The following TTL variants were observed in gnomAD, a reference collection of about 807,000 sequenced individuals.
TTL encodes the protein tubulin--tyrosine ligase.
TTL carries 10 observed loss-of-function variants against 41.1 expected under a neutral mutation model. The ratio of observed to expected loss-of-function variants is 0.24; its 90% CI spans 0.15 to 0.41. The LOEUF is 0.41. Ranked by LOEUF, TTL falls within the 10% of genes least tolerant of loss-of-function variation. The probability of loss-of-function intolerance (pLI) is 1.00; values close to 1 mark genes in which losing one functional copy is unlikely to be tolerated. For synonymous variants in TTL, 175 were observed against 175.5 expected, an observed-to-expected ratio of 1.00 and a Z score of 0.02; for missense variants, 367 against 460.4, an observed-to-expected ratio of 0.80 and a Z score of 1.86.
Position 112,501,279 on chromosome 2 carries a change from G to T in TTL, c.543G>T (p.Val181=), listed in dbSNP as rs763800735. 6.2e-7 allele frequency: 1 copy of T among 1,613,602 alleles called. No individual in the cohort carries two copies. Among genetic ancestry groups the T allele is most frequent in the African/African-American group, 1.3e-5 (1 of 74,856 alleles). Residue 181 remains valine, a synonymous_variant, in exon 4 of 7, where the codon GTG becomes GTT. Transcript: ENST00000233336. ...DFIDNQGQVH[V]IQKYLEHPLL... ...TAGACAACCAGGGCCAAGTGCACGT[G>T]ATCCAGAAATATCTTGAGCACCCTC...
At chr2:112,502,855 A>T (rs1337524117) in intron 4 of TTL, 57 bp from the exon 5 acceptor site, 1 of 1,557,418 alleles carries the variant, frequency 6.4e-7, no homozygotes, top group East Asian at 2.3e-5. Flanking sequence ...ATTGATGTAT[A>T]TAATATGCAG....
At chr2:112,514,732 A>G (rs1252794356) in intron 5 of TTL, among the ~76,000 whole-genome samples, 1 of 152,204 alleles carries the variant, frequency 6.6e-6, no homozygotes, top group Non-Finnish European at 1.5e-5. Flanking sequence ...TGCTTCTTGC[A>G]CCGTGGCTTG....
intron 2 of TTL, among the ~76,000 whole-genome samples, chr2:112,493,839 A>C (rs1053917562): frequency 1.3e-5 from 2 of 152,174 alleles, no homozygotes; most frequent in African/African-American, 2.4e-5. Context: ...TGTTGAAAAG[A>C]TATCGGCTCA....
chr2:112,526,882 G>C (rs1287719380), intron 6 of TTL, among the ~76,000 whole-genome samples: 3 of 151,956 alleles, frequency 2.0e-5, no homozygotes, highest in African/African-American at 7.3e-5. Context: ...GTGAAGTTAG[G>C]GTATCAATTT....
chr2:112,496,142 T>G (rs1374955655), intron 3 of TTL, among the ~76,000 whole-genome samples: 10 of 152,148 alleles, frequency 6.6e-5, no homozygotes, highest in Admixed American at 3.3e-4. Context: ...TCCCTTCTCC[T>G]GTGGGTTTGG....
At chr2:112,513,347 A>T (rs1429405161) in intron 5 of TTL, among the ~76,000 whole-genome samples, 2 of 152,006 alleles carry the variant, frequency 1.3e-5, no homozygotes, top group Non-Finnish European at 2.9e-5. Flanking sequence ...CGAAGTTCTG[A>T]GATTCTCTCT....
chr2:112,492,518 C>G (rs1681416239), intron 2 of TTL, among the ~76,000 whole-genome samples: 1 of 152,090 alleles, frequency 6.6e-6, no homozygotes, highest in African/African-American at 2.4e-5. Context: ...ATCACGAGGT[C>G]AGGAGATCGA....
At chr2:112,491,271 G>A (rs987804225) in intron 2 of TTL, among the ~76,000 whole-genome samples, 2 of 152,136 alleles carry the variant, frequency 1.3e-5, no homozygotes, top group African/African-American at 2.4e-5. Flanking sequence ...GATTATAGGC[G>A]TGAGCCACCA....
intron 4 of TTL, among the ~76,000 whole-genome samples, chr2:112,502,620 AAAGC>A (rs1408345631): frequency 6.6e-6 from 1 of 150,972 alleles, no homozygotes; most frequent in Non-Finnish European, 1.5e-5. Context: ...CTGGGCAACA[AAAGC>A]AAAACTCCAT....
rs1172703340 is a variant in TTL at position 112,493,375 on chromosome 2, G to A, written c.237-768G>A. On this transcript the variant is annotated intron_variant, in intron 2 of 6. Coordinates refer to ENST00000233336, the MANE Select transcript of TTL (RefSeq NM_153712.5). The stretch of plus-strand genomic sequence containing the variant: ...GCTGTTAAAAAAAAAAAAAAGACTT[G>A]GGAGTTCGGGCCTGCATGTTGGCTG... Among the ~76,000 whole-genome samples, 4 of 151,556 alleles carry A rather than the reference G, an allele frequency of 2.6e-5. 1 individual carries two copies. The highest frequency in any genetic ancestry group is 9.7e-5 in the African/African-American group (4 of 41,248).
At position 112,509,560 on chromosome 2, in the gene TTL, T is replaced by C. The variant is rs564001541; in HGVS notation, c.875+6379T>C. ...CGGTCTGAAAAGCGCAATATTCGGG[T>C]GGGAGTGACCCGATTTTCCAGGTGC... is the stretch of plus-strand genomic sequence containing the variant. On this transcript the variant is annotated intron_variant, in intron 5 of 6. Coordinates refer to ENST00000233336, the MANE Select transcript of TTL (RefSeq NM_153712.5). Among the ~76,000 whole-genome samples the C allele has an allele frequency of 9.2e-5, 14 of 152,230 alleles. No homozygotes were observed. In the South Asian group the frequency reaches 2.9e-3, roughly 32 times the overall value.
chr2:112,525,355 G>C (rs1350631672), intron 6 of TTL, among the ~76,000 whole-genome samples: 1 of 152,094 alleles, frequency 6.6e-6, no homozygotes, highest in Middle Eastern at 3.2e-3. Context: ...GATGGGGATG[G>C]CATTGAATCT....
rs949910346 is a variant in TTL, at chr2:112,529,702, C to G, written c.*907C>G. 1 of 222,038 alleles carries G rather than the reference C, an allele frequency of 4.5e-6. No homozygotes were observed. Among genetic ancestry groups the G allele is most frequent in the Non-Finnish European group, 9.0e-6 (1 of 111,120 alleles). The allele number at this position is 222,038 out of a possible 1,614,324, so 13.8% of individuals were successfully genotyped here. A position where few individuals can be genotyped will look rare whatever the true frequency, so the allele number is the denominator to read the frequency against. ...AGTAAAATTCCACTCCCCAAGTGGC[C>G]CTGCCCCAGACAAAGGTTGCTTTCC... On this transcript the variant is annotated 3_prime_UTR_variant, in exon 7 of 7. Transcript: ENST00000233336.
chr2:112,499,403 T>C (rs970566041), intron 3 of TTL, among the ~76,000 whole-genome samples: 3 of 152,070 alleles, frequency 2.0e-5, no homozygotes, highest in African/African-American at 7.2e-5. Flanking sequence ...CAAAAGCCAT[T>C]CAATAGAGGA....
chr2:112,535,600 G>A lies in TTL; in HGVS notation c.*6805G>A, dbSNP rs1018272255. On this transcript the variant is annotated 3_prime_UTR_variant, in exon 7 of 7. Coordinates refer to ENST00000233336, the MANE Select transcript of TTL (RefSeq NM_153712.5). Reference sequence around the variant, plus strand: ...AAAATATATAAGAAAAGAGAAGGAAGTAATGAAAAATAGAGGAGAAAAAAA... The same window carrying A: ...AAAATATATAAGAAAAGAGAAGGAAATAATGAAAAATAGAGGAGAAAAAAA... The A allele has an allele frequency of 2.0e-5, 3 of 150,536 alleles. No homozygotes were observed. The highest frequency in any genetic ancestry group is 7.3e-5 in the African/African-American group (3 of 40,870). 9.3% of individuals were successfully genotyped at this position (150,536 alleles called of 1,614,324 possible).
intron 5 of TTL, among the ~76,000 whole-genome samples, chr2:112,509,463 C>T (rs966266923): frequency 2.0e-5 from 3 of 152,206 alleles, no homozygotes; most frequent in African/African-American, 4.8e-5. Flanking sequence ...TAGCAATCAG[C>T]GAGACTCCGT....
At position 112,482,612 on chromosome 2, in the gene TTL, G is replaced by C. The variant is rs899240139; in HGVS notation, c.157+111G>C. ...TTAAAGGTCATACATTTTCTCCTCT[G>C]TCGCTTGTCGGGCACATCAGAAACG... is the stretch of plus-strand genomic sequence containing the variant. On this transcript the variant is annotated intron_variant, in intron 1 of 6. Coordinates refer to ENST00000233336, the MANE Select transcript of TTL (RefSeq NM_153712.5). The surrounding 1 kb of genome is among the most constrained non-coding windows in gnomAD (Gnocchi z 5.3). The C allele has an allele frequency of 1.7e-6, 2 of 1,196,714 alleles. No homozygotes were observed. Among genetic ancestry groups the C allele is most frequent in the South Asian group, 1.7e-5 (1 of 57,472 alleles). The allele number at this position is 1,196,714 out of a possible 1,614,324, so 74.1% of individuals were successfully genotyped here.
At chr2:112,490,804 C>T (rs1291795069) in intron 2 of TTL, among the ~76,000 whole-genome samples, 2 of 151,948 alleles carry the variant, frequency 1.3e-5, no homozygotes, top group African/African-American at 4.8e-5. Context: ...AACTCCTGAC[C>T]TCAGGTGATC....
intron 5 of TTL, among the ~76,000 whole-genome samples, chr2:112,513,097 C>A (rs1293716703): frequency 6.6e-6 from 1 of 151,658 alleles, no homozygotes; most frequent in African/African-American, 2.4e-5. Flanking sequence ...AACTCTTGCC[C>A]TCTGTTATAG....
Sources: allele counts gnomAD v4.1 joint callset (sites outside exome capture counted in the v4.1 genomes callset), GRCh38; gene constraint gnomAD v4.1.1; non-coding constraint Gnocchi (gnomAD v3.1); transcripts MANE v1.5; gene names NCBI Gene and HGNC (gene_info 2026-07-23, HGNC 2026-07-21).